The following FIGNL2 variants were observed in gnomAD, a reference collection of about 807,000 sequenced individuals.
FIGNL2 encodes fidgetin-like protein 2.
For missense variants in FIGNL2, 1,060 were observed against 950.2 expected (o/e 1.12, Z -1.52); for synonymous variants, 565 against 484.0 (o/e 1.17, Z -2.20).
chr12:51,824,642 C>T lies in FIGNL2; in HGVS notation c.-11-2218G>A, dbSNP rs117421042. On this transcript the variant is annotated intron_variant, in intron 1 of 1. Coordinates refer to ENST00000618634, the MANE Select transcript of FIGNL2 (RefSeq NM_001384995.1). ...AGATATGCAGCCCTCCAGCTCTTGC[C>T]GAGCAGGATCTCCAAAGATCAGAGG... is the stretch of plus-strand genomic sequence containing the variant. The T allele has an allele frequency of 9.3e-3, 1,417 of 152,244 alleles. 19 individuals carry two copies. The highest frequency in any genetic ancestry group is 0.011 in the Non-Finnish European group (761 of 68,020). 9.4% of individuals were successfully genotyped at this position (152,244 alleles called of 1,614,324 possible). A position where few individuals can be genotyped will look rare whatever the true frequency, so the allele number is the denominator to read the frequency against.
At chr12:51,836,872 C>T (rs1939586193) in intron 1 of FIGNL2, among the ~76,000 whole-genome samples, 1 of 152,128 alleles carries the variant, frequency 6.6e-6, no homozygotes, top group Non-Finnish European at 1.5e-5. Flanking sequence ...CAGCCCCCTC[C>T]TCCCCTCACA....
At chr12:51,847,566 C>A (rs1939778245) in intron 1 of FIGNL2, 1 of 985,276 alleles carries the variant, frequency 1.0e-6, no homozygotes, top group African/African-American at 1.7e-5. Flanking sequence ...ACAGCCCACC[C>A]ACCCGTCCAC....
In FIGNL2 at chr12:51,818,788, T is replaced by C. The variant is rs1414460142; in HGVS notation, c.*1664A>G. On this transcript the variant is annotated 3_prime_UTR_variant, in exon 2 of 2. Coordinates refer to ENST00000618634, the MANE Select transcript of FIGNL2 (RefSeq NM_001384995.1). Reference sequence around the variant, plus strand: ...GAGTTGTGAAATGGGCTGGGGGTGGTGGGAGCAAACTGCTAAAGCCTCATC... The same window carrying C: ...GAGTTGTGAAATGGGCTGGGGGTGGCGGGAGCAAACTGCTAAAGCCTCATC... The C allele has an allele frequency of 6.6e-6, 1 of 151,554 alleles. No homozygotes were observed. The highest frequency in any genetic ancestry group is 1.5e-5 in the Non-Finnish European group (1 of 67,980). The allele number at this position is 151,554 out of a possible 1,614,324, so 9.4% of individuals were successfully genotyped here.
At chr12:51,824,992 C>T (rs1013627479) in intron 1 of FIGNL2, among the ~76,000 whole-genome samples, 8 of 152,070 alleles carry the variant, frequency 5.3e-5, no homozygotes, top group East Asian at 1.9e-4. Flanking sequence ...TACAGTGATC[C>T]GAGGTGGCAC....
At chr12:51,842,622 T>C (rs917764455) in intron 1 of FIGNL2, among the ~76,000 whole-genome samples, 3 of 151,982 alleles carry the variant, frequency 2.0e-5, no homozygotes, top group Non-Finnish European at 2.9e-5. Context: ...CAGTGGCCCT[T>C]GTCTCACTTT....
At position 51,821,043 on chromosome 12, in the gene FIGNL2, G is replaced by C. The variant is rs1331621192; in HGVS notation, c.1371C>G (p.Arg457=). The change falls in exon 2 of 2, where the codon CGC becomes CGG. Residue 457 remains arginine, a synonymous_variant. Coordinates refer to ENST00000618634, the MANE Select transcript of FIGNL2 (RefSeq NM_001384995.1). ...CGCCGGGCGCAGCCAGGGTCGCGCC[G>C]CGCAGGCGCAACAGCGTGGCGCCCA... is the stretch of plus-strand genomic sequence containing the variant. ...TQLGATLLRL[R]GATLAAPGAA... The C allele has an allele frequency of 8.4e-7, 1 of 1,194,712 alleles. No individual in the cohort carries two copies. The highest frequency in any genetic ancestry group is 1.0e-6 in the Non-Finnish European group (1 of 966,156). 74.0% of individuals were successfully genotyped at this position (1,194,712 alleles called of 1,614,324 possible).
At chr12:51,848,018 C>G in intron 1 of FIGNL2, 1 of 711,164 alleles carries the variant, frequency 1.4e-6, no homozygotes, top group Non-Finnish European at 1.7e-6. Flanking sequence ...TAGCCTCGGC[C>G]TCCTGTCACT....
intron 1 of FIGNL2, among the ~76,000 whole-genome samples, chr12:51,843,767 A>G (rs1284139825): frequency 6.6e-6 from 1 of 151,984 alleles, no homozygotes. Context: ...TCCATGTCGG[A>G]GGGGGCTTCA....
chr12:51,822,763 T>C (rs1245434433), intron 1 of FIGNL2, among the ~76,000 whole-genome samples: 1 of 152,232 alleles, frequency 6.6e-6, no homozygotes, highest in East Asian at 1.9e-4. Context: ...TTACTTTCTA[T>C]GAAGGATCGG....
intron 1 of FIGNL2, among the ~76,000 whole-genome samples, chr12:51,838,414 A>G (rs1939611292): frequency 6.6e-6 from 1 of 152,116 alleles, no homozygotes; most frequent in Non-Finnish European, 1.5e-5. Flanking sequence ...TAGAGCCTGT[A>G]CCCATTAGTA....
chr12:51,840,963 T>C (rs1029284664), intron 1 of FIGNL2, among the ~76,000 whole-genome samples: 1 of 152,168 alleles, frequency 6.6e-6, no homozygotes, highest in Non-Finnish European at 1.5e-5. Context: ...GCCCCAAATA[T>C]GGCCCCTTCC....
Position 51,820,431 on chromosome 12 carries a change from C to T in FIGNL2, c.*21G>A, listed in dbSNP as rs376892638. ...GCGGGGACGGAGGGACTGCGGCTCC[C>T]GCGGCCTCCCCCGCGCGCCGTCAGT... On this transcript the variant is annotated 3_prime_UTR_variant, in exon 2 of 2. Coordinates refer to ENST00000618634, the MANE Select transcript of FIGNL2 (RefSeq NM_001384995.1). 1.6e-5 allele frequency: 25 copies of T among 1,577,846 alleles called. No homozygotes were observed. Among genetic ancestry groups the T allele is most frequent in the Non-Finnish European group, 2.1e-5 (25 of 1,170,450 alleles).
chr12:51,822,289 C>T lies in FIGNL2; in HGVS notation c.125G>A (p.Cys42Tyr), dbSNP rs1260946038. Residue 42 changes from cysteine to tyrosine, a missense_variant, in exon 2 of 2, where the codon TGC (cysteine) becomes TAC (tyrosine). Transcript: ENST00000618634. ...GTCGTCGTGTGCCCAAGCGTAGTGG[C>T]AGCGTTGGCGACCCCCAGGGGGCAA... ...LELPPGGRQRCHYAWAHDDIS... is the reference protein window; with the variant it reads ...LELPPGGRQRYHYAWAHDDIS... 1.2e-6 allele frequency: 2 copies of T among 1,611,562 alleles called. No individual in the cohort carries two copies. The highest frequency in any genetic ancestry group is 1.7e-6 in the Non-Finnish European group (2 of 1,179,030).
chr12:51,845,687 C>A, intron 1 of FIGNL2: 1 of 985,244 alleles, frequency 1.0e-6, no homozygotes, highest in Non-Finnish European at 1.2e-6. Flanking sequence ...GGGAGACCAG[C>A]CTGTCTCTTG....
At chr12:51,828,229 C>A (rs1939385864) in intron 1 of FIGNL2, 1 of 152,204 alleles carries the variant, frequency 6.6e-6, no homozygotes, top group African/African-American at 2.4e-5. Flanking sequence ...ATCAGATAAC[C>A]AGACACACCC....
chr12:51,821,392 T>G lies in FIGNL2; in HGVS notation c.1022A>C (p.Gln341Pro), dbSNP rs1939186771. 6.6e-7 allele frequency: 1 copy of G among 1,522,542 alleles called. No homozygotes were observed. The highest frequency in any genetic ancestry group is 8.8e-7 in the Non-Finnish European group (1 of 1,137,530). 94.3% of individuals were successfully genotyped at this position (1,522,542 alleles called of 1,614,324 possible). A position where few individuals can be genotyped will look rare whatever the true frequency, so the allele number is the denominator to read the frequency against. ...KVLGSPVYGP[Q>P]LEPFEKFPER... Reference sequence around the variant, plus strand: ...CGGGAACTTTTCAAAGGGCTCCAGTTGCGGGCCGTAGACGGGGGAGCCCAG... The same window carrying G: ...CGGGAACTTTTCAAAGGGCTCCAGTGGCGGGCCGTAGACGGGGGAGCCCAG... The change falls in exon 2 of 2, where the codon CAA (glutamine) becomes CCA (proline). Residue 341 changes from glutamine (Q) to proline (P), a missense_variant. Transcript: ENST00000618634.
intron 1 of FIGNL2, among the ~76,000 whole-genome samples, chr12:51,827,846 C>T (rs569746852): frequency 6.6e-6 from 1 of 152,306 alleles, no homozygotes; most frequent in Non-Finnish European, 1.5e-5. Context: ...ATGCAGCCGT[C>T]ATACCAGCTC....
intron 1 of FIGNL2, among the ~76,000 whole-genome samples, chr12:51,822,663 A>G (rs1939249713): frequency 6.6e-6 from 1 of 152,200 alleles, no homozygotes; most frequent in South Asian, 2.1e-4. Context: ...TCTGGAAATG[A>G]TGTGGTTGGC....
At chr12:51,822,829 CAGTA>C (rs1939254652) in intron 1 of FIGNL2, among the ~76,000 whole-genome samples, 1 of 152,230 alleles carries the variant, frequency 6.6e-6, no homozygotes, top group African/African-American at 2.4e-5. Context: ...GAAGCTCGCT[CAGTA>C]AGAGATGTTT....
Sources: gnomAD v4.1 joint callset for allele counts (sites outside exome capture counted in the v4.1 genomes callset) on GRCh38, gnomAD v4.1.1 for gene constraint, MANE v1.5 for transcripts, NCBI Gene and HGNC (gene_info 2026-07-23, HGNC 2026-07-21) for gene names.